Variants in FRMD4B observed in about 807,000 individuals in gnomAD.
FRMD4B encodes the protein FERM domain containing 4B.
In FRMD4B, 74 loss-of-function variants were observed where a neutral mutation model predicts 141.5. The ratio of observed to expected loss-of-function variants is 0.52; its 90% CI spans 0.43 to 0.63. FRMD4B has a LOEUF of 0.63. Ranked by LOEUF, FRMD4B falls within the 30% of genes least tolerant of loss-of-function variation. The probability of loss-of-function intolerance (pLI) is 0.00; values close to 1 mark genes in which losing one functional copy is unlikely to be tolerated. For synonymous variants in FRMD4B, 506 were observed against 467.9 expected, an observed-to-expected ratio of 1.08 and a Z score of -1.05; for missense variants, 1,366 against 1,253.4, an observed-to-expected ratio of 1.09 and a Z score of -1.36.
chr3:69,252,464 G>A (rs559234580), intron 5 of FRMD4B, among the ~76,000 whole-genome samples: 6 of 152,240 alleles, frequency 3.9e-5, no homozygotes, highest in African/African-American at 1.4e-4. Context: ...CTTTGGCAAA[G>A]GCCCATATTC....
At chr3:69,195,470 T>C (rs1392538643) in intron 14 of FRMD4B, 106 bp from the exon 15 acceptor site, 1 of 845,958 alleles carries the variant, frequency 1.2e-6, no homozygotes, top group Non-Finnish European at 1.8e-6. Context: ...TGGTAGTTTA[T>C]TTCTTTTCTC....
rs1330422739 is a variant in FRMD4B, at chr3:69,188,363, A to C, written c.1772-446T>G. Reference sequence around the variant, plus strand: ...AAGTAAGGAAACTGACTTATGCTGCATCTTTAGAGGCTTGTTATGTTTTCC... The same window carrying C: ...AAGTAAGGAAACTGACTTATGCTGCCTCTTTAGAGGCTTGTTATGTTTTCC... On this transcript the variant is annotated intron_variant, in intron 18 of 22. Coordinates refer to ENST00000398540, the MANE Select transcript of FRMD4B (RefSeq NM_015123.3). Among the ~76,000 whole-genome samples, 16 of 152,218 alleles carry C rather than the reference A, an allele frequency of 1.1e-4. 1 individual carries two copies. The highest frequency in any genetic ancestry group is 9.8e-4 in the Admixed American group (15 of 15,288).
chr3:69,278,752 A>C (rs1201205720), intron 5 of FRMD4B, among the ~76,000 whole-genome samples: 2 of 151,904 alleles, frequency 1.3e-5, no homozygotes, highest in Non-Finnish European at 2.9e-5. Context: ...GCACCTGGCT[A>C]ATTTTTTTTT....
chr3:69,200,241 A>G (rs1442374178), intron 11 of FRMD4B: 2 of 179,708 alleles, frequency 1.1e-5, no homozygotes, highest in Non-Finnish European at 2.1e-5. Flanking sequence ...GGACCCCCCA[A>G]TTCCGAACAG....
intron 2 of FRMD4B, among the ~76,000 whole-genome samples, chr3:69,416,141 CG>C (rs1480539854): frequency 6.6e-6 from 1 of 152,156 alleles, no homozygotes; most frequent in Admixed American, 6.5e-5. Flanking sequence ...CTGTTTTGCA[CG>C]TGGTTCTGAG....
rs200234607 is a variant in FRMD4B, at chr3:69,195,254, T to C, written c.1345A>G (p.Lys449Glu). 7.5e-4 allele frequency: 1,216 copies of C among 1,613,128 alleles called. 1 individual carries two copies. Among genetic ancestry groups the C allele is most frequent in the Non-Finnish European group, 9.4e-4 (1,113 of 1,179,690 alleles). The change falls in exon 15 of 23, where the codon AAG becomes GAG. Residue 449 changes from lysine to glutamate, a missense_variant. Coordinates refer to ENST00000398540, the MANE Select transcript of FRMD4B (RefSeq NM_015123.3). The part of the protein sequence containing the change: ...EKLLKKVEEL[K>E]KICLREAELT... ...ACAGCCTCCCGCAGACAGATCTTCT[T>C]AAGCTCCTCAACTTTTTTCAGAAGT...
At chr3:69,267,929 G>C (rs1400862341) in intron 5 of FRMD4B, among the ~76,000 whole-genome samples, 1 of 151,578 alleles carries the variant, frequency 6.6e-6, no homozygotes, top group Non-Finnish European at 1.5e-5. Flanking sequence ...CACTGTGCCT[G>C]GCCTAATACA....
intron 1 of FRMD4B, among the ~76,000 whole-genome samples, chr3:69,513,322 A>G (rs1440939138): frequency 1.3e-5 from 2 of 152,182 alleles, no homozygotes; most frequent in East Asian, 3.8e-4. Flanking sequence ...AAGAATTCCT[A>G]GAAACACACA....
intron 1 of FRMD4B, among the ~76,000 whole-genome samples, chr3:69,316,258 G>A (rs1701800466): frequency 2.0e-5 from 3 of 152,038 alleles, no homozygotes; most frequent in Non-Finnish European, 4.4e-5. Context: ...TCCTTAATTC[G>A]GCAAAGCCAA....
chr3:69,311,135 A>G (rs1440630537), intron 3 of FRMD4B, 128 bp downstream of exon 3: 6 of 505,464 alleles, frequency 1.2e-5, no homozygotes, highest in African/African-American at 7.7e-5. Flanking sequence ...GCATATTAAA[A>G]AACCTTTAGC....
At chr3:69,389,127 G>A (rs1371353047), upstream of FRMD4B, among the ~76,000 whole-genome samples, 1 of 150,480 alleles carries the variant, frequency 6.6e-6, no homozygotes, top group African/African-American at 2.5e-5. Context: ...TCCGCCTCCC[G>A]GGTTCAAGTG....
Position 69,486,806 on chromosome 3 carries a change from T to C in FRMD4B, c.-128-54045A>G, listed in dbSNP as rs557047014. 2.4e-4 allele frequency among the ~76,000 whole-genome samples: 37 copies of C among 152,294 alleles called. No individual in the cohort carries two copies. In the South Asian group the frequency reaches 7.1e-3, roughly 29 times the overall value. ...CTGATGTGAGGCAAAGTAGCAAATG[T>C]TAAGAAGCAATGTTTGCTCATTTCT... is the stretch of plus-strand genomic sequence containing the variant. On this transcript the variant is annotated intron_variant, in intron 1 of 5. Transcript: ENST00000459638.
At chr3:69,333,100 A>G (rs576759194) in intron 1 of FRMD4B, among the ~76,000 whole-genome samples, 1 of 152,288 alleles carries the variant, frequency 6.6e-6, no homozygotes, top group Admixed American at 6.5e-5. Context: ...GGGAATCTGC[A>G]GTGCTCCATC....
At chr3:69,287,577 A>C in intron 5 of FRMD4B, 175 bp downstream of exon 5, 1 of 562,894 alleles carries the variant, frequency 1.8e-6, no homozygotes. Context: ...TCAGAATTTG[A>C]GAAAAGATAC....
At chr3:69,352,846 T>C (rs1234841977) in intron 1 of FRMD4B, among the ~76,000 whole-genome samples, 2 of 152,156 alleles carry the variant, frequency 1.3e-5, no homozygotes, top group South Asian at 2.1e-4. Flanking sequence ...TTCCTTCTTC[T>C]TTCTGGAGGC....
chr3:69,413,482 T>A (rs1398236131), intron 2 of FRMD4B, among the ~76,000 whole-genome samples: 1 of 152,212 alleles, frequency 6.6e-6, no homozygotes, highest in Non-Finnish European at 1.5e-5. Context: ...CTAAATGTTC[T>A]TACTAATTCT....
chr3:69,320,837 A>T (rs1263311929), intron 1 of FRMD4B: 2 of 152,224 alleles, frequency 1.3e-5, no homozygotes, highest in African/African-American at 2.4e-5. Context: ...CCCCTCATGG[A>T]ACCCCAGGAA....
intron 1 of FRMD4B, among the ~76,000 whole-genome samples, chr3:69,505,377 CAAAAACA>C (rs1261396656): frequency 2.6e-5 from 4 of 151,440 alleles, no homozygotes; most frequent in Non-Finnish European, 5.9e-5. Flanking sequence ...GACCCTATCT[CAAAAACA>C]AAAAACAAAA....
chr3:69,526,135 G>A (rs929000842), intron 1 of FRMD4B, among the ~76,000 whole-genome samples: 1 of 152,224 alleles, frequency 6.6e-6, no homozygotes, highest in African/African-American at 2.4e-5. Flanking sequence ...TACAACATAT[G>A]CACCTACAAA....
Sources: gnomAD v4.1 joint callset for allele counts (sites outside exome capture counted in the v4.1 genomes callset) on GRCh38, gnomAD v4.1.1 for gene constraint, MANE v1.5 for transcripts, NCBI Gene and HGNC (gene_info 2026-07-23, HGNC 2026-07-21) for gene names.